MYO7A: variants seen among roughly 807,000 people sequenced by gnomAD.
MYO7A encodes myosin VIIA.
MYO7A carries 210 observed loss-of-function variants against 263.8 expected under a neutral mutation model. The ratio of observed to expected loss-of-function variants is 0.80; its 90% CI spans 0.71 to 0.89. The LOEUF is 0.89. MYO7A is among the 40% of genes least tolerant of loss of function. The probability of loss-of-function intolerance (pLI) is 0.00; values close to 1 mark genes in which losing one functional copy is unlikely to be tolerated. For synonymous variants in MYO7A, 1,239 were observed against 1,197.3 expected (o/e 1.03, Z -0.72); for missense variants, 2,820 against 2,968.3 (o/e 0.95, Z 1.16).
At chr11:77,195,520 C>T (rs1047114267) in intron 32 of MYO7A, among the ~76,000 whole-genome samples, 38 of 152,230 alleles carry the variant, frequency 2.5e-4, no homozygotes, top group Non-Finnish European at 1.2e-4. Flanking sequence ...GCCATTGTGG[C>T]ATATGGTACG....
chr11:77,138,409 G>A lies in MYO7A; in HGVS notation c.19-4300G>A, dbSNP rs7120461. Among the ~76,000 whole-genome samples, 12,039 of 152,174 alleles carry A rather than the reference G, an allele frequency of 0.079. 637 individuals carry two copies. Among genetic ancestry groups the A allele is most frequent in the East Asian group, 0.21 (1,092 of 5,150 alleles). Reference sequence around the variant, plus strand: ...GAACCAGGCGTTCAAGACCTACGCCGTCCTGCCGGTGAGGCCCGGGCCAGG... The same window carrying A: ...GAACCAGGCGTTCAAGACCTACGCCATCCTGCCGGTGAGGCCCGGGCCAGG... On this transcript the variant is annotated intron_variant, in intron 2 of 48. Coordinates refer to ENST00000409709, the MANE Select transcript of MYO7A (RefSeq NM_000260.4). This position sits in a 1 kb window ranked among gnomAD's most constrained non-coding sequence, Gnocchi z 4.9.
intron 14 of MYO7A, among the ~76,000 whole-genome samples, chr11:77,165,032 C>T (rs1225301471): frequency 1.3e-5 from 2 of 152,240 alleles, no homozygotes; most frequent in Non-Finnish European, 2.9e-5. Context: ...TAGGCACTAT[C>T]CTTCCCATCC....
chr11:77,171,468 C>T (rs1463635291), intron 15 of MYO7A, among the ~76,000 whole-genome samples: 1 of 152,172 alleles, frequency 6.6e-6, no homozygotes, highest in Non-Finnish European at 1.5e-5. Context: ...AGAATATATT[C>T]CAAATACAAT....
At chr11:77,139,222 TC>T (rs1408635982) in intron 2 of MYO7A, among the ~76,000 whole-genome samples, 2 of 152,154 alleles carry the variant, frequency 1.3e-5, no homozygotes, top group African/African-American at 4.8e-5. Flanking sequence ...ATAAGCCAGA[TC>T]TCCTATGTGT....
At chr11:77,134,088 C>A (rs1214958786) in intron 2 of MYO7A, among the ~76,000 whole-genome samples, 4 of 150,000 alleles carry the variant, frequency 2.7e-5, no homozygotes, top group Admixed American at 1.3e-4. Context: ...CACCACCATA[C>A]CTGGCTAATT....
rs551228334 is a variant in MYO7A at position 77,177,295 on chromosome 11, G to A, written c.2188-254G>A. On this transcript the variant is annotated intron_variant, in intron 18 of 48. Transcript: ENST00000409709. ...GGTGTGTGTGCATACTGGGCCTTCC[G>A]ACCCCATCCAGAGAGATTAGGCACC... Among the ~76,000 whole-genome samples the A allele has an allele frequency of 2.6e-4, 40 of 152,278 alleles. 1 individual carries two copies. Among genetic ancestry groups the A allele is most frequent in the Middle Eastern group, 3.4e-3 (1 of 294 alleles).
Position 77,175,442 on chromosome 11 carries a change from G to A in MYO7A, c.2165G>A (p.Gly722Asp). ...VLGTHDDWQI[G>D]KTKIFLKDHH... ...GGCACCCACGATGACTGGCAGATAG[G>A]CAAAACCAAGATCTTTCTGAAGGTG... Residue 722 changes from glycine to aspartate, a missense_variant, in exon 18 of 49, where the codon GGC (glycine) becomes GAC (aspartate). Transcript: ENST00000409709. 6.2e-7 allele frequency: 1 copy of A among 1,613,362 alleles called. No individual in the cohort carries two copies. Among genetic ancestry groups the A allele is most frequent in the Non-Finnish European group, 8.5e-7 (1 of 1,179,880 alleles).
At chr11:77,165,919 C>T in intron 14 of MYO7A, 137 bp from the exon 15 acceptor site, 2 of 602,956 alleles carry the variant, frequency 3.3e-6, no homozygotes, top group Non-Finnish European at 5.7e-6. Flanking sequence ...CTGTCCCCTC[C>T]AGGCCTCAGG....
At chr11:77,179,254 C>T in intron 20 of MYO7A, 125 bp downstream of exon 20, 5 of 779,160 alleles carry the variant, frequency 6.4e-6, no homozygotes, top group South Asian at 1.8e-5. Flanking sequence ...TGCCACTGCC[C>T]TGGCCAGCCA....
intron 19 of MYO7A, among the ~76,000 whole-genome samples, chr11:77,178,844 C>A (rs1954907103): frequency 6.6e-6 from 1 of 152,166 alleles, no homozygotes; most frequent in Non-Finnish European, 1.5e-5. Flanking sequence ...ATGTGACAGG[C>A]CTGTGGGGCA....
chr11:77,181,721 C>A, intron 23 of MYO7A, 132 bp downstream of exon 23: 1 of 917,448 alleles, frequency 1.1e-6, no homozygotes, highest in Non-Finnish European at 1.6e-6. Context: ...GAACTGGGTC[C>A]GGGCTGCAGG....
rs1591160639 is a variant in MYO7A at position 77,128,402 on chromosome 11, G to A, written c.-134G>A. On this transcript the variant is annotated 5_prime_UTR_variant, in exon 1 of 49. Coordinates refer to ENST00000409709, the MANE Select transcript of MYO7A (RefSeq NM_000260.4). Reference sequence around the variant, plus strand: ...GGGACGTGTGTTTGCAGACTGGCTGGGCCCGTGACCCAGCTTCCTGAGTCC... The same window carrying A: ...GGGACGTGTGTTTGCAGACTGGCTGAGCCCGTGACCCAGCTTCCTGAGTCC... The A allele has an allele frequency of 6.6e-6, 1 of 152,350 alleles. No individual in the cohort carries two copies. Among genetic ancestry groups the A allele is most frequent in the African/African-American group, 2.4e-5 (1 of 41,468 alleles). 9.4% of individuals were successfully genotyped at this position (152,350 alleles called of 1,614,324 possible).
At chr11:77,132,738 CG>C (rs1162516953) in intron 2 of MYO7A, among the ~76,000 whole-genome samples, 4 of 152,208 alleles carry the variant, frequency 2.6e-5, no homozygotes, top group Non-Finnish European at 5.9e-5. Flanking sequence ...CCGCCCACCT[CG>C]GCCTCCCAAA....
chr11:77,142,669 C>A (rs547739983), intron 2 of MYO7A, 40 bp from the exon 3 acceptor site: 2 of 1,538,756 alleles, frequency 1.3e-6, no homozygotes, highest in Non-Finnish European at 1.8e-6. Flanking sequence ...TCCAATCCCC[C>A]TCCCTGCTCA....
At chr11:77,161,831 C>T (rs1479266362) in intron 12 of MYO7A, among the ~76,000 whole-genome samples, 6 of 152,182 alleles carry the variant, frequency 3.9e-5, no homozygotes, top group African/African-American at 1.4e-4. Flanking sequence ...CTGCCAATCC[C>T]CAGCCCTCCC....
rs111816666 is a variant in MYO7A at position 77,179,211 on chromosome 11, C to A, written c.2367+82C>A. ...GCCATGGCAGTGGGACTGGCCTGCA[C>A]CCAGGCAGCACAGCCTGGCCTCGTT... On this transcript the variant is annotated intron_variant, in intron 20 of 48. Coordinates refer to ENST00000409709, the MANE Select transcript of MYO7A (RefSeq NM_000260.4). 1,960 of 1,279,226 alleles carry A rather than the reference C, an allele frequency of 1.5e-3. 30 individuals carry two copies. In the African/African-American group the frequency reaches 0.026, roughly 17 times the overall value. 79.2% of individuals were successfully genotyped at this position (1,279,226 alleles called of 1,614,324 possible). A position where few individuals can be genotyped will look rare whatever the true frequency, so the allele number is the denominator to read the frequency against.
chr11:77,178,566 A>G (rs1460155153), intron 19 of MYO7A, among the ~76,000 whole-genome samples: 1 of 152,124 alleles, frequency 6.6e-6, no homozygotes, highest in Non-Finnish European at 1.5e-5. Flanking sequence ...CTGTCTGTGC[A>G]TGGTCTCTGT....
chr11:77,178,843 G>C (rs547901803), intron 19 of MYO7A, among the ~76,000 whole-genome samples: 14 of 152,268 alleles, frequency 9.2e-5, no homozygotes, highest in Non-Finnish European at 1.9e-4. Context: ...TATGTGACAG[G>C]CCTGTGGGGC....
intron 38 of MYO7A, 42 bp downstream of exon 38, chr11:77,203,259 GGGCAGGGCCTT>G (rs753965879): frequency 3.3e-6 from 5 of 1,538,154 alleles, no homozygotes; most frequent in Admixed American, 2.0e-5. Context: ...GCCAGGGACC[GGGCAGGGCCTT>G]CGTCTGCACA....
Sources: allele counts gnomAD v4.1 joint callset (sites outside exome capture counted in the v4.1 genomes callset), GRCh38; gene constraint gnomAD v4.1.1; non-coding constraint Gnocchi (gnomAD v3.1); transcripts MANE v1.5; gene names NCBI Gene and HGNC (gene_info 2026-07-23, HGNC 2026-07-21).